Variants in MACROD2 observed in about 807,000 individuals in gnomAD.
MACROD2 encodes the protein mono-ADP ribosylhydrolase 2.
MACROD2 carries 36 observed loss-of-function variants against 70.4 expected under a neutral mutation model. The ratio of observed to expected loss-of-function variants is 0.51; its 90% CI spans 0.39 to 0.68. The LOEUF is 0.68. Ranked by LOEUF, MACROD2 falls within the 30% of genes least tolerant of loss-of-function variation. MACROD2 has a pLI of 0.00. For missense variants in MACROD2, 496 were observed against 538.4 expected (o/e 0.92, Z 0.78); for synonymous variants, 172 against 178.8 (o/e 0.96, Z 0.30).
intron 4 of MACROD2, among the ~76,000 whole-genome samples, chr20:14,565,406 G>C (rs1029622859): frequency 6.6e-6 from 1 of 151,552 alleles, no homozygotes; most frequent in African/African-American, 2.4e-5. Context: ...GATTCCTCTT[G>C]TTTTCCTTTT....
chr20:15,454,429 A>T (rs1184281154), intron 7 of MACROD2, among the ~76,000 whole-genome samples: 1 of 146,704 alleles, frequency 6.8e-6, no homozygotes, highest in Non-Finnish European at 1.5e-5. Flanking sequence ...ACACACACAC[A>T]CACACACACA....
intron 5 of MACROD2, among the ~76,000 whole-genome samples, chr20:14,984,028 A>C (rs916449427): frequency 6.6e-6 from 1 of 152,158 alleles, no homozygotes; most frequent in African/African-American, 2.4e-5. Flanking sequence ...CCCTCCTGCT[A>C]TTAAGGTTAG....
chr20:15,570,357 A>G (rs994827438), intron 8 of MACROD2, among the ~76,000 whole-genome samples: 1 of 152,220 alleles, frequency 6.6e-6, no homozygotes, highest in Non-Finnish European at 1.5e-5. Flanking sequence ...AGTTTTAACC[A>G]GTCTGAGCAA....
intron 8 of MACROD2, among the ~76,000 whole-genome samples, chr20:15,754,050 A>G (rs1348984891): frequency 1.3e-5 from 2 of 152,236 alleles, no homozygotes; most frequent in Admixed American, 6.5e-5. Flanking sequence ...AAGAGAGAAG[A>G]TATGAATGAC....
At chr20:15,439,897 C>T (rs544227325) in intron 7 of MACROD2, among the ~76,000 whole-genome samples, 5 of 152,250 alleles carry the variant, frequency 3.3e-5, no homozygotes, top group African/African-American at 1.2e-4. Context: ...GGCTTGAAAT[C>T]CCTAGATTCC....
chr20:15,722,822 T>C (rs1173503785), intron 8 of MACROD2, among the ~76,000 whole-genome samples: 1 of 152,184 alleles, frequency 6.6e-6, no homozygotes, highest in Non-Finnish European at 1.5e-5. Flanking sequence ...CATGAGGCTA[T>C]CATTTTGTAT....
intron 8 of MACROD2, among the ~76,000 whole-genome samples, chr20:15,578,083 TTGTC>T (rs756491767): frequency 2.0e-5 from 3 of 152,228 alleles, no homozygotes; most frequent in Non-Finnish European, 1.5e-5. Flanking sequence ...TTTTTGTAGT[TTGTC>T]TGACACCAAG....
chr20:14,362,851 T>A (rs540882605), intron 3 of MACROD2, among the ~76,000 whole-genome samples: 73 of 152,256 alleles, frequency 4.8e-4, no homozygotes, highest in African/African-American at 1.7e-3. Context: ...AATAGTAAAA[T>A]GTAGTAAGAT....
chr20:15,488,112 G>T (rs933791164), intron 7 of MACROD2, among the ~76,000 whole-genome samples: 1 of 152,130 alleles, frequency 6.6e-6, no homozygotes, highest in East Asian at 1.9e-4. Flanking sequence ...ACAGGCCTTT[G>T]TCAAAACCCC....
At chr20:15,739,573 A>G (rs967203735) in intron 8 of MACROD2, among the ~76,000 whole-genome samples, 1 of 152,222 alleles carries the variant, frequency 6.6e-6, no homozygotes, top group Non-Finnish European at 1.5e-5. Context: ...AGGAGCACAC[A>G]TTACCCTTGA....
chr20:14,388,679 A>C (rs2083493450), intron 3 of MACROD2, among the ~76,000 whole-genome samples: 1 of 152,152 alleles, frequency 6.6e-6, no homozygotes, highest in South Asian at 2.1e-4. Flanking sequence ...GGCCATCTGC[A>C]GCCGCAGACC....
At chr20:15,129,373 G>C (rs2076089030) in intron 5 of MACROD2, among the ~76,000 whole-genome samples, 1 of 151,870 alleles carries the variant, frequency 6.6e-6, no homozygotes, top group Admixed American at 6.6e-5. Flanking sequence ...ATAACTAATG[G>C]GCAAACTGGA....
At chr20:15,494,776 T>TGTGCGC (rs368522802) in intron 7 of MACROD2, among the ~76,000 whole-genome samples, 37 of 131,978 alleles carry the variant, frequency 2.8e-4, no homozygotes, top group African/African-American at 8.9e-4. Flanking sequence ...CGTGTGTGTG[T>TGTGCGC]GCGCGCGTGT....
At chr20:14,022,601 C>T (rs2053102340) in intron 2 of MACROD2, among the ~76,000 whole-genome samples, 1 of 152,056 alleles carries the variant, frequency 6.6e-6, no homozygotes, top group South Asian at 2.1e-4. Context: ...AGCCCTCCCC[C>T]ACCCACCGAC....
In MACROD2 at chr20:14,524,129, C is replaced by T. The variant is rs138477962; in HGVS notation, c.301+30621C>T. 3.6e-4 allele frequency among the ~76,000 whole-genome samples: 55 copies of T among 152,228 alleles called. No homozygotes were observed. The East Asian group carries it at 9.9e-3, about 27-fold the overall frequency. The stretch of plus-strand genomic sequence containing the variant: ...ATGACACCTTGAAAGCAAAAGGGAA[C>T]GGTATTTATAATTACATTGCCTCAG... On this transcript the variant is annotated intron_variant, in intron 4 of 17. Coordinates refer to ENST00000684519, the MANE Select transcript of MACROD2 (RefSeq NM_001351661.2).
intron 4 of MACROD2, among the ~76,000 whole-genome samples, chr20:14,498,626 G>A (rs408086): frequency 0.18 from 27,599 of 152,128 alleles, 2,787 homozygotes; most frequent in South Asian, 0.36. Context: ...TTAATAGAAT[G>A]GGCATTGGAT....
chr20:15,297,706 T>C (rs551230076), intron 6 of MACROD2, among the ~76,000 whole-genome samples: 86 of 152,284 alleles, frequency 5.6e-4, no homozygotes, highest in African/African-American at 2.0e-3. Flanking sequence ...ACTTTTATGG[T>C]GCTAGAACAA....
At chr20:15,498,826 T>A (rs772469524) in intron 7 of MACROD2, among the ~76,000 whole-genome samples, 7 of 152,160 alleles carry the variant, frequency 4.6e-5, no homozygotes, top group Non-Finnish European at 8.8e-5. Flanking sequence ...AAATAAAAAT[T>A]CTGTGAGAGG....
At chr20:15,708,102 G>C (rs1235773684) in intron 8 of MACROD2, among the ~76,000 whole-genome samples, 1 of 151,882 alleles carries the variant, frequency 6.6e-6, no homozygotes, top group African/African-American at 2.4e-5. Flanking sequence ...TAATAGTATT[G>C]GAGATTTGAA....
Sources: gnomAD v4.1 joint callset for allele counts (sites outside exome capture counted in the v4.1 genomes callset) on GRCh38, gnomAD v4.1.1 for gene constraint, MANE v1.5 for transcripts, NCBI Gene and HGNC (gene_info 2026-07-23, HGNC 2026-07-21) for gene names.